Variants in GPC6 observed in about 807,000 individuals in gnomAD.
GPC6 encodes glypican 6, also known as glypican-6.
Under a neutral mutation model 55.2 loss-of-function variants are expected in GPC6, and 14 were observed. The ratio of observed to expected loss-of-function variants is 0.25; its 90% CI spans 0.17 to 0.40. The LOEUF is 0.40. Ranked by LOEUF, GPC6 falls within the 10% of genes least tolerant of loss-of-function variation. The probability of loss-of-function intolerance (pLI) is 1.00; values close to 1 mark genes in which losing one functional copy is unlikely to be tolerated. For synonymous variants in GPC6, 278 were observed against 259.6 expected (o/e 1.07, Z -0.68); for missense variants, 641 against 708.5 (o/e 0.90, Z 1.08).
chr13:93,943,820 A>G (rs1267314213), intron 3 of GPC6, among the ~76,000 whole-genome samples: 8 of 152,226 alleles, frequency 5.3e-5, no homozygotes, highest in African/African-American at 1.9e-4. Context: ...TTTAGAGGGA[A>G]TAGCTGAGGA....
At chr13:93,739,433 T>TG (rs11385590) in intron 2 of GPC6, among the ~76,000 whole-genome samples, 3 of 13,224 alleles carry the variant, frequency 2.3e-4, no homozygotes, top group Non-Finnish European at 5.4e-4. Context: ...TTCAAATACA[T>TG]TTTTTTTTTT....
intron 4 of GPC6, among the ~76,000 whole-genome samples, chr13:94,049,494 G>A (rs547068919): frequency 6.6e-6 from 1 of 152,202 alleles, no homozygotes; most frequent in Admixed American, 6.5e-5. Context: ...GAAATCAGAA[G>A]ACATGAGATC....
intron 4 of GPC6, among the ~76,000 whole-genome samples, chr13:94,215,084 G>T (rs188951937): frequency 1.3e-5 from 2 of 152,146 alleles, no homozygotes; most frequent in Non-Finnish European, 2.9e-5. Flanking sequence ...ACACGCTCAC[G>T]CATGGACACA....
At chr13:94,393,132 G>C (rs905571435) in intron 7 of GPC6, among the ~76,000 whole-genome samples, 12 of 152,114 alleles carry the variant, frequency 7.9e-5, no homozygotes, top group African/African-American at 2.9e-4. Flanking sequence ...GATAGCATAG[G>C]CTTGTAGTCC....
At chr13:93,675,050 G>A (rs980466697) in intron 2 of GPC6, among the ~76,000 whole-genome samples, 2 of 152,202 alleles carry the variant, frequency 1.3e-5, no homozygotes, top group African/African-American at 4.8e-5. Context: ...CACTTCAAGT[G>A]TGATCTTATC....
In GPC6 at chr13:93,655,983, A is replaced by G. The variant is rs1219427501; in HGVS notation, c.319+110562A>G. On this transcript the variant is annotated intron_variant, in intron 2 of 8. Coordinates refer to ENST00000377047, the MANE Select transcript of GPC6 (RefSeq NM_005708.5). ...AATATATTTTTAAAGTATTGCTAAT[A>G]TTCATATCCATCTTCATAATTTGTA... is the stretch of plus-strand genomic sequence containing the variant. Among the ~76,000 whole-genome samples the G allele has an allele frequency of 3.3e-5, 5 of 152,300 alleles. No homozygotes were observed. The East Asian group carries it at 9.6e-4, about 29-fold the overall frequency.
intron 2 of GPC6, among the ~76,000 whole-genome samples, chr13:93,582,372 T>C (rs1172401409): frequency 6.6e-6 from 1 of 152,222 alleles, no homozygotes; most frequent in African/African-American, 2.4e-5. Flanking sequence ...TAGATGTAAA[T>C]GACCAAGATA....
chr13:94,014,434 C>T (rs1004478383), intron 3 of GPC6, among the ~76,000 whole-genome samples: 2 of 152,090 alleles, frequency 1.3e-5, no homozygotes, highest in East Asian at 3.8e-4. Flanking sequence ...TCTTTAGCTC[C>T]GAAATCCCTT....
chr13:93,939,371 A>G (rs138394575), intron 3 of GPC6, among the ~76,000 whole-genome samples: 11 of 151,032 alleles, frequency 7.3e-5, no homozygotes, highest in African/African-American at 2.7e-4. Flanking sequence ...GTGAGCCGAG[A>G]TGCGCCACTG....
intron 3 of GPC6, among the ~76,000 whole-genome samples, chr13:93,872,238 T>C (rs928582466): frequency 6.6e-6 from 1 of 151,962 alleles, no homozygotes; most frequent in African/African-American, 2.4e-5. Flanking sequence ...AATTTGCCAG[T>C]AAAAAACACT....
At chr13:94,086,092 C>G (rs1247404043) in intron 4 of GPC6, among the ~76,000 whole-genome samples, 1 of 151,592 alleles carries the variant, frequency 6.6e-6, no homozygotes, top group Non-Finnish European at 1.5e-5. Context: ...GTTAGAGATT[C>G]AAATAGAACT....
chr13:93,881,996 A>G (rs1400764922), intron 3 of GPC6, among the ~76,000 whole-genome samples: 1 of 152,000 alleles, frequency 6.6e-6, no homozygotes, highest in African/African-American at 2.4e-5. Flanking sequence ...CTTTAGCCTT[A>G]TAGTTTTCAA....
At chr13:93,955,073 C>G (rs1185705298) in intron 3 of GPC6, among the ~76,000 whole-genome samples, 1 of 152,104 alleles carries the variant, frequency 6.6e-6, no homozygotes. Context: ...AGAAAGGCCC[C>G]TTCTGTGCCA....
chr13:93,468,836 A>G (rs1003371964), intron 1 of GPC6, among the ~76,000 whole-genome samples: 2 of 152,346 alleles, frequency 1.3e-5, no homozygotes, highest in East Asian at 1.9e-4. Flanking sequence ...CTTGATTGTT[A>G]TAATTTGTCA....
chr13:93,638,073 T>G (rs1403662746), intron 2 of GPC6, among the ~76,000 whole-genome samples: 1 of 152,134 alleles, frequency 6.6e-6, no homozygotes. Flanking sequence ...GAAGTCAACA[T>G]GTAACCTTCA....
At chr13:93,791,531 T>A (rs1886034795) in intron 2 of GPC6, among the ~76,000 whole-genome samples, 1 of 152,216 alleles carries the variant, frequency 6.6e-6, no homozygotes. Flanking sequence ...TCTAAAAATA[T>A]GACTAGATAG....
chr13:93,334,655 C>T (rs2139141417), intron 1 of GPC6, among the ~76,000 whole-genome samples: 1 of 151,738 alleles, frequency 6.6e-6, no homozygotes, highest in South Asian at 2.1e-4. Context: ...TTGCTAGAGA[C>T]AGGGTTTCAC....
At chr13:93,530,856 T>G (rs540381711) in intron 1 of GPC6, among the ~76,000 whole-genome samples, 65 of 152,176 alleles carry the variant, frequency 4.3e-4, no homozygotes, top group African/African-American at 1.4e-3. Flanking sequence ...ATGACACAAT[T>G]TTGGCAGCTA....
chr13:93,488,180 T>C (rs1371726890), intron 1 of GPC6, among the ~76,000 whole-genome samples: 1 of 152,138 alleles, frequency 6.6e-6, no homozygotes, highest in African/African-American at 2.4e-5. Context: ...CCAAGTGTTC[T>C]CATTGTTCAA....
Sources: allele counts gnomAD v4.1 joint callset (sites outside exome capture counted in the v4.1 genomes callset), GRCh38; gene constraint gnomAD v4.1.1; transcripts MANE v1.5; gene names NCBI Gene and HGNC (gene_info 2026-07-23, HGNC 2026-07-21).